Variants in ZNF83 observed in about 807,000 individuals in gnomAD.
ZNF83 encodes zinc finger protein 83, also known as zinc finger protein 816B.
For synonymous variants in ZNF83, 209 were observed against 213.0 expected, an observed-to-expected ratio of 0.98 and a Z score of 0.17; for missense variants, 552 against 629.9, an observed-to-expected ratio of 0.88 and a Z score of 1.32.
chr19:52,614,863 A>T, intron 2 of ZNF83, 66 bp from the exon 3 acceptor site: 1 of 1,201,810 alleles, frequency 8.3e-7, no homozygotes, highest in Non-Finnish European at 1.1e-6. Flanking sequence ...TCTCCTATTG[A>T]AATGTGTAAT....
At chr19:52,638,270 G>C (rs1384647506) in intron 1 of ZNF83, 42 bp downstream of exon 1, 1 of 152,348 alleles carries the variant, frequency 6.6e-6, no homozygotes, top group Admixed American at 6.5e-5. Context: ...AGCAGCGCCG[G>C]GGACCTGGTA....
chr19:52,619,451 C>CTCTG (rs2060451964), intron 2 of ZNF83, among the ~76,000 whole-genome samples: 1 of 152,044 alleles, frequency 6.6e-6, no homozygotes, highest in South Asian at 2.1e-4. Flanking sequence ...TATGGTGAAA[C>CTCTG]TCTGTCTGTA....
At chr19:52,689,544 G>C (rs2062109102) in intron 1 of ZNF83, among the ~76,000 whole-genome samples, 1 of 152,030 alleles carries the variant, frequency 6.6e-6, no homozygotes, top group African/African-American at 2.4e-5. Flanking sequence ...CCTCTTTGCT[G>C]CCCCTCTCCC....
intron 2 of ZNF83, among the ~76,000 whole-genome samples, chr19:52,619,793 C>T (rs746466083): frequency 4.0e-5 from 6 of 151,310 alleles, no homozygotes; most frequent in African/African-American, 7.3e-5. Flanking sequence ...AGGCTGAGGC[C>T]GGAGACTTGC....
chr19:52,655,299 G>A (rs1393935296), intron 3 of ZNF83: 3 of 336,764 alleles, frequency 8.9e-6, no homozygotes, highest in Non-Finnish European at 1.1e-5. Flanking sequence ...AGGGCTACCA[G>A]GGGCATCTCT....
At chr19:52,672,870 A>G (rs1040101111) in intron 1 of ZNF83, among the ~76,000 whole-genome samples, 7 of 152,136 alleles carry the variant, frequency 4.6e-5, no homozygotes, top group African/African-American at 1.7e-4. Flanking sequence ...GCCACCGTGC[A>G]TGGCAAAAAA....
intron 2 of ZNF83, among the ~76,000 whole-genome samples, chr19:52,656,851 C>G (rs7259397): frequency 0.57 from 81,969 of 144,914 alleles, 23,085 homozygotes; most frequent in East Asian, 0.72. Context: ...ATCGACAGAG[C>G]GAGACTCCGT....
At chr19:52,614,113 C>G (rs769696196) in exon 3 of ZNF83, 13 of 1,613,914 alleles carry the variant, frequency 8.1e-6, no homozygotes, top group Non-Finnish European at 1.1e-5. Context: ...ACATTCATTA[C>G]ATTTATATGG....
Position 52,621,178 on chromosome 19 carries a change from G to A in ZNF83, c.-233-6381C>T, listed in dbSNP as rs2060529030. Among the ~76,000 whole-genome samples, 2 of 152,170 alleles carry A rather than the reference G, an allele frequency of 1.3e-5. 1 individual carries two copies. The highest frequency in any genetic ancestry group is 4.8e-5 in the African/African-American group (2 of 41,446). On this transcript the variant is annotated intron_variant, in intron 2 of 2. Transcript: ENST00000301096. ...GATCCCCTGTCCTGATCTCCATGAG[G>A]AGCTCCAGCTACGACCTCAGGTCCT...
intron 3 of ZNF83, among the ~76,000 whole-genome samples, chr19:52,645,803 C>CA (rs548393661): frequency 2.0e-4 from 9 of 44,718 alleles, no homozygotes; most frequent in East Asian, 2.0e-3. Flanking sequence ...TGAGATTCTG[C>CA]CCCCCCCCAA....
At chr19:52,638,240 G>A (rs1487388935) in intron 1 of ZNF83, 72 bp downstream of exon 1, 1 of 152,362 alleles carries the variant, frequency 6.6e-6, no homozygotes. Flanking sequence ...AGGTCTGTGG[G>A]GACCCCACGT....
At chr19:52,656,577 C>T (rs1436886649) in intron 2 of ZNF83, among the ~76,000 whole-genome samples, 1 of 151,338 alleles carries the variant, frequency 6.6e-6, no homozygotes, top group Non-Finnish European at 1.5e-5. Context: ...CTACTAAAAC[C>T]ATGGGCTTGG....
intron 1 of ZNF83, among the ~76,000 whole-genome samples, chr19:52,689,945 G>A (rs1198260010): frequency 1.3e-5 from 2 of 152,182 alleles, no homozygotes; most frequent in South Asian, 2.1e-4. Flanking sequence ...GAGACCTGGG[G>A]AGCAGCAGGG....
intron 3 of ZNF83, chr19:52,652,776 C>T: frequency 1.2e-6 from 1 of 830,532 alleles, no homozygotes; most frequent in South Asian, 1.4e-5. Context: ...GTGATGACTG[C>T]CCACTAAAGG....
chr19:52,655,562 C>T, exon 3 of ZNF83: 3 of 1,496,294 alleles, frequency 2.0e-6, no homozygotes, highest in Non-Finnish European at 2.8e-6. Flanking sequence ...TTTCCTCACC[C>T]ACAGACTCCA....
chr19:52,639,182 G>T (rs1042321828), upstream of ZNF83, among the ~76,000 whole-genome samples: 1 of 151,862 alleles, frequency 6.6e-6, no homozygotes, highest in African/African-American at 2.4e-5. Flanking sequence ...TGTCTCCCAG[G>T]TTCAATCGAT....
chr19:52,680,953 C>T (rs1284665986), intron 1 of ZNF83, among the ~76,000 whole-genome samples: 2 of 151,770 alleles, frequency 1.3e-5, no homozygotes, highest in African/African-American at 2.4e-5. Context: ...CTGTGGATGT[C>T]TCGGTTTTAT....
At chr19:52,655,469 A>G (rs2147262761) in intron 3 of ZNF83, 3 of 1,191,762 alleles carry the variant, frequency 2.5e-6, no homozygotes, top group Middle Eastern at 2.1e-4. Flanking sequence ...AAAAGCATGT[A>G]TGCGGCAAAA....
intron 2 of ZNF83, among the ~76,000 whole-genome samples, chr19:52,621,838 C>A (rs1000596969): frequency 6.6e-6 from 1 of 152,158 alleles, no homozygotes; most frequent in Admixed American, 6.5e-5. Context: ...CCTACAAGAC[C>A]TAAATAATTT....
Sources: allele counts gnomAD v4.1 joint callset (sites outside exome capture counted in the v4.1 genomes callset), GRCh38; gene constraint gnomAD v4.1.1; transcripts MANE v1.5; gene names NCBI Gene and HGNC (gene_info 2026-07-23, HGNC 2026-07-21).